POSTN: variants seen among roughly 807,000 people sequenced by gnomAD.
POSTN encodes periostin.
Under a neutral mutation model 104.5 loss-of-function variants are expected in POSTN, and 71 were observed. That is an observed-to-expected ratio of 0.68 (90% CI 0.56 to 0.83). The LOEUF is 0.83. POSTN is among the 40% of genes least tolerant of loss of function. The probability of loss-of-function intolerance (pLI) is 0.00; values close to 1 mark genes in which losing one functional copy is unlikely to be tolerated. For missense variants in POSTN, 949 were observed against 1,006.8 expected, an observed-to-expected ratio of 0.94 and a Z score of 0.78; for synonymous variants, 355 against 340.7, an observed-to-expected ratio of 1.04 and a Z score of -0.46.
chr13:37,590,417 G>A lies in POSTN; in HGVS notation c.396C>T (p.Phe132=), dbSNP rs1382315949. Residue 132 remains phenylalanine (F), a synonymous_variant, in exon 4 of 23, where the codon TTC becomes TTT. Coordinates refer to ENST00000379747, the MANE Select transcript of POSTN (RefSeq NM_006475.3). ...LREEIEGKGS[F]TYFAPSNEAW... ...CCTCATTACTCGGTGCAAAGTAAGT[G>A]AAGGATCCCTTTCCCTCGATCTCCT... is the stretch of plus-strand genomic sequence containing the variant. 6.2e-7 allele frequency: 1 copy of A among 1,608,364 alleles called. No individual in the cohort carries two copies. Among genetic ancestry groups the A allele is most frequent in the East Asian group, 2.2e-5 (1 of 44,800 alleles).
At chr13:37,585,999 G>T in intron 7 of POSTN, 140 bp downstream of exon 7, 1 of 636,100 alleles carries the variant, frequency 1.6e-6, no homozygotes, top group Non-Finnish European at 2.5e-6. Context: ...AGGACTTTTG[G>T]AAGACATAGT....
intron 5 of POSTN, 124 bp from the exon 6 acceptor site, chr13:37,587,052 A>C: frequency 1.3e-6 from 1 of 774,748 alleles, no homozygotes; most frequent in Non-Finnish European, 2.1e-6. Flanking sequence ...ACTACATTGT[A>C]AATGTAAACG....
chr13:37,595,415 A>G (rs955686036), intron 2 of POSTN, among the ~76,000 whole-genome samples: 1 of 152,196 alleles, frequency 6.6e-6, no homozygotes, highest in Non-Finnish European at 1.5e-5. Flanking sequence ...AATAGGAATA[A>G]TGTTCAGGTC....
chr13:37,569,671 T>C, intron 20 of POSTN, 73 bp downstream of exon 20: 1 of 1,122,106 alleles, frequency 8.9e-7, no homozygotes, highest in Non-Finnish European at 1.3e-6. Flanking sequence ...AGAAAACATG[T>C]AGAATGTTAT....
At chr13:37,570,073 T>G (rs1950220452) in intron 19 of POSTN, among the ~76,000 whole-genome samples, 1 of 151,928 alleles carries the variant, frequency 6.6e-6, no homozygotes, top group African/African-American at 2.4e-5. Flanking sequence ...AAACAAATAC[T>G]TAAAGAATAG....
At chr13:37,597,328 C>G (rs199957311) in intron 1 of POSTN, 46 bp from the exon 2 acceptor site, 2 of 1,291,838 alleles carry the variant, frequency 1.5e-6, no homozygotes, top group African/African-American at 3.1e-5. Flanking sequence ...CTAATAATGA[C>G]TAGTTTTTCG....
chr13:37,584,573 G>A, intron 8 of POSTN, 143 bp downstream of exon 8: 1 of 689,252 alleles, frequency 1.5e-6, no homozygotes, highest in Non-Finnish European at 2.4e-6. Context: ...TGCTCAAGTA[G>A]CTCACTATTT....
intron 4 of POSTN, among the ~76,000 whole-genome samples, chr13:37,589,644 C>T (rs1354423380): frequency 1.3e-5 from 2 of 152,050 alleles, no homozygotes; most frequent in Non-Finnish European, 2.9e-5. Context: ...GAAAGACAAC[C>T]AGAGGAGCGA....
rs1450306569 is a variant in POSTN at position 37,579,131 on chromosome 13, TAGG to T, written c.1792-13_1792-11del. ...GAAGTGTATCATTTACCTATCAAAA[TAGG>T]AGGCAATTTCAATGAGGAAATTTCA... On this transcript the variant is annotated splice_polypyrimidine_tract_variant and intron_variant, in intron 13 of 22. Transcript: ENST00000379747. 1 of 1,610,242 alleles carries T rather than the reference TAGG, an allele frequency of 6.2e-7. No homozygotes were observed. The highest frequency in any genetic ancestry group is 8.5e-7 in the Non-Finnish European group (1 of 1,177,256).
Position 37,569,351 on chromosome 13 carries a change from C to A in POSTN, c.2380G>T (p.Gly794Cys), listed in dbSNP as rs1183628844. 1.9e-6 allele frequency: 3 copies of A among 1,612,736 alleles called. No homozygotes were observed. The highest frequency in any genetic ancestry group is 1.7e-6 in the Non-Finnish European group (2 of 1,179,138). Residue 794 changes from glycine (G) to cysteine (C), a missense_variant, in exon 21 of 23, where the codon GGT becomes TGT. Transcript: ENST00000379747. ...TCATCTTCAAATAAATGACCATCAC[C>A]ACCTTCAATGAATTTGGTGACCTTG... ...VTKVTKFIEG[G>C]DGHLFEDEEI... is the part of the protein sequence containing the mutation.
chr13:37,586,147 G>A lies in POSTN; in HGVS notation c.887C>T (p.Ala296Val), dbSNP rs750425183. 42 of 1,610,474 alleles carry A rather than the reference G, an allele frequency of 2.6e-5. No homozygotes were observed. The highest frequency in any genetic ancestry group is 6.7e-5 in the Admixed American group (4 of 59,562). Residue 296 changes from alanine (A) to valine (V), a missense_variant, in exon 7 of 23, where the codon GCT becomes GTT. Transcript: ENST00000379747. ...TGAAGACATTAAACTACCTTCGGAA[G>A]CCACTTTGTCTCCCATGATCCTTTC... The part of the protein sequence containing the change: ...VLERIMGDKV[A>V]SEALMKYHIL...
chr13:37,583,780 A>G (rs1039623804), intron 9 of POSTN, among the ~76,000 whole-genome samples, 189 bp downstream of exon 9: 4 of 152,188 alleles, frequency 2.6e-5, no homozygotes, highest in Non-Finnish European at 4.4e-5. Context: ...ATTATCCATT[A>G]TAATGAAATG....
At chr13:37,583,611 G>A (rs920467150) in intron 9 of POSTN, among the ~76,000 whole-genome samples, 17 of 151,790 alleles carry the variant, frequency 1.1e-4, no homozygotes, top group African/African-American at 3.6e-4. Flanking sequence ...TTTTAGTAGA[G>A]ATGGGTTCTC....
chr13:37,575,897 T>G (rs1950393272), intron 16 of POSTN, among the ~76,000 whole-genome samples: 1 of 152,196 alleles, frequency 6.6e-6, no homozygotes, highest in Non-Finnish European at 1.5e-5. Flanking sequence ...CAGAAGAACC[T>G]TTCCATGAAA....
intron 8 of POSTN, among the ~76,000 whole-genome samples, 170 bp downstream of exon 8, chr13:37,584,546 A>G (rs1432406248): frequency 1.3e-5 from 2 of 152,116 alleles, no homozygotes; most frequent in Non-Finnish European, 2.9e-5. Flanking sequence ...CCATCACTAC[A>G]CTGCCTATCT....
chr13:37,574,735 T>G, intron 16 of POSTN, 83 bp from the exon 17 acceptor site: 1 of 1,449,050 alleles, frequency 6.9e-7, no homozygotes, highest in Non-Finnish European at 9.0e-7. Context: ...TTTTCTTTTT[T>G]GTCTCTGTAG....
intron 22 of POSTN, 31 bp downstream of exon 22, chr13:37,564,488 A>G (rs537494387): frequency 1.5e-6 from 2 of 1,355,838 alleles, no homozygotes; most frequent in South Asian, 2.6e-5. Context: ...AAGAGGCCAT[A>G]TACACACATT....
At chr13:37,566,427 A>G (rs965458017) in intron 21 of POSTN, among the ~76,000 whole-genome samples, 12 of 152,174 alleles carry the variant, frequency 7.9e-5, no homozygotes, top group African/African-American at 1.2e-4. Context: ...GTTAATGTCA[A>G]TTGATGATTG....
chr13:37,582,489 G>T lies in POSTN; in HGVS notation c.1269C>A (p.Arg423=). ...GATTCTGCAGAATTAATTTAAGGAG[G>T]CGCTGATCCATGCTGAGAGTATCAT... is the stretch of plus-strand genomic sequence containing the variant. The part of the protein sequence containing the change: ...FSDDTLSMDQ[R]LLKLILQNHI... Residue 423 remains arginine (R), a synonymous_variant, in exon 10 of 23, where the codon CGC becomes CGA. Coordinates refer to ENST00000379747, the MANE Select transcript of POSTN (RefSeq NM_006475.3). The T allele has an allele frequency of 6.2e-7, 1 of 1,611,600 alleles. No homozygotes were observed. Among genetic ancestry groups the T allele is most frequent in the Non-Finnish European group, 8.5e-7 (1 of 1,179,044 alleles).
Sources: allele counts gnomAD v4.1 joint callset (sites outside exome capture counted in the v4.1 genomes callset), GRCh38; gene constraint gnomAD v4.1.1; transcripts MANE v1.5; gene names NCBI Gene and HGNC (gene_info 2026-07-23, HGNC 2026-07-21).